The following EXOC6 variants were observed in gnomAD, a reference collection of about 807,000 sequenced individuals.
EXOC6 encodes exocyst complex component 6, also known as SEC15-like 1.
A neutral mutation model predicts 112.5 loss-of-function variants in EXOC6; 60 were observed. The ratio of observed to expected loss-of-function variants is 0.53; its 90% CI spans 0.43 to 0.66. The LOEUF (loss-of-function observed/expected upper bound fraction) is 0.66, where lower values mean the gene tolerates loss of function less well. Among genes scored for constraint, EXOC6 ranks in the 30% least tolerant of loss-of-function variants. The pLI is 0.00. For synonymous variants in EXOC6, 295 were observed against 308.0 expected, an observed-to-expected ratio of 0.96 and a Z score of 0.44; for missense variants, 855 against 957.1, an observed-to-expected ratio of 0.89 and a Z score of 1.41.
chr10:93,014,173 T>TG (rs1298279575), intron 19 of EXOC6, 21 bp from the exon 20 acceptor site: 8 of 1,596,524 alleles, frequency 5.0e-6, no homozygotes, highest in African/African-American at 1.3e-5. Flanking sequence ...TTTTATTCTT[T>TG]TTTTTTCTTT....
chr10:92,843,426 A>G (rs1342195703), intron 1 of EXOC6, among the ~76,000 whole-genome samples: 1 of 152,280 alleles, frequency 6.6e-6, no homozygotes, highest in African/African-American at 2.4e-5. Context: ...ATACAGTTCT[A>G]TAATTCTATA....
At chr10:92,935,755 A>AT (rs1169347394) in intron 11 of EXOC6, 59 bp from the exon 12 acceptor site, 1 of 1,111,046 alleles carries the variant, frequency 9.0e-7, no homozygotes. Context: ...GTTTTTAATC[A>AT]TATGACTCTG....
At chr10:93,010,963 C>CA (rs1325804322) in intron 19 of EXOC6, among the ~76,000 whole-genome samples, 1 of 151,978 alleles carries the variant, frequency 6.6e-6, no homozygotes, top group Non-Finnish European at 1.5e-5. Flanking sequence ...ATAGTATCTT[C>CA]AACAGGAACC....
intron 1 of EXOC6, among the ~76,000 whole-genome samples, chr10:92,879,240 G>A (rs1292010151): frequency 6.6e-6 from 1 of 152,216 alleles, no homozygotes; most frequent in East Asian, 1.9e-4. Flanking sequence ...CCAGCACTTT[G>A]GAAGGCTGAG....
intron 20 of EXOC6, among the ~76,000 whole-genome samples, chr10:93,024,167 C>A (rs1044292149): frequency 6.6e-6 from 1 of 152,098 alleles, no homozygotes; most frequent in Non-Finnish European, 1.5e-5. Flanking sequence ...TTCATTTGAT[C>A]GTATCTTGAT....
intron 20 of EXOC6, among the ~76,000 whole-genome samples, chr10:93,017,491 C>T (rs929371872): frequency 4.6e-5 from 7 of 151,746 alleles, no homozygotes; most frequent in South Asian, 2.1e-4. Flanking sequence ...TGGGGGGCTG[C>T]GGCAGGGGAA....
At chr10:92,925,929 T>A (rs10882129) in intron 8 of EXOC6, among the ~76,000 whole-genome samples, 45,117 of 151,934 alleles carry the variant, frequency 0.3, 7,495 homozygotes, top group East Asian at 0.73. Flanking sequence ...TCATCTTTAC[T>A]TTTTTTGAAG....
chr10:92,873,035 C>G (rs1199548558), intron 1 of EXOC6, among the ~76,000 whole-genome samples: 1 of 152,138 alleles, frequency 6.6e-6, no homozygotes, highest in East Asian at 1.9e-4. Flanking sequence ...CATTAATCTA[C>G]TTGTTTAAAC....
chr10:92,896,901 A>G (rs997928754), intron 4 of EXOC6, among the ~76,000 whole-genome samples: 8 of 152,130 alleles, frequency 5.3e-5, no homozygotes, highest in African/African-American at 1.4e-4. Flanking sequence ...TTTAGAATCA[A>G]TGAAATTCTA....
At chr10:92,856,282 G>C (rs1847597624) in intron 1 of EXOC6, among the ~76,000 whole-genome samples, 1 of 151,766 alleles carries the variant, frequency 6.6e-6, no homozygotes, top group Admixed American at 6.6e-5. Context: ...CCTTACGATG[G>C]AAGTTTGGGT....
rs1298990327 is a variant in EXOC6 at position 92,893,587 on chromosome 10, CAT to C, written c.273+70_273+71del. The C allele has an allele frequency of 2.5e-5, 32 of 1,293,012 alleles. 1 individual carries two copies. Among genetic ancestry groups the C allele is most frequent in the Non-Finnish European group, 3.2e-5 (30 of 927,700 alleles). The allele number at this position is 1,293,012 out of a possible 1,614,324, so 80.1% of individuals were successfully genotyped here. On this transcript the variant is annotated intron_variant, in intron 2 of 21. Coordinates refer to ENST00000260762, the MANE Select transcript of EXOC6 (RefSeq NM_019053.6). ...ATTACTCAAGTCTTAGTTGATAGTA[CAT>C]ATGTACAAGTCATTATTAAGTATGT...
At chr10:92,857,098 G>A (rs1847639290) in intron 1 of EXOC6, among the ~76,000 whole-genome samples, 1 of 149,354 alleles carries the variant, frequency 6.7e-6, no homozygotes, top group Non-Finnish European at 1.5e-5. Flanking sequence ...CATATTTAAT[G>A]TTATTATTTA....
chr10:93,043,019 C>G (rs1025602815), intron 20 of EXOC6, among the ~76,000 whole-genome samples: 1 of 151,946 alleles, frequency 6.6e-6, no homozygotes, highest in Admixed American at 6.6e-5. Flanking sequence ...CCACTGCAAC[C>G]TCTGCCTCCT....
intron 1 of EXOC6, among the ~76,000 whole-genome samples, chr10:92,877,896 G>A (rs1055295267): frequency 6.6e-6 from 1 of 152,182 alleles, no homozygotes; most frequent in Non-Finnish European, 1.5e-5. Context: ...CAAACCTCAT[G>A]TTGCATAGAT....
intron 18 of EXOC6, among the ~76,000 whole-genome samples, chr10:92,979,737 G>C (rs1536329): frequency 0.78 from 118,004 of 151,826 alleles, 47,203 homozygotes; most frequent in East Asian, 0.99. Flanking sequence ...GGAGAACAGC[G>C]TGGGCGATAT....
At chr10:93,053,207 A>G (rs544978303) in intron 20 of EXOC6, among the ~76,000 whole-genome samples, 41 of 152,214 alleles carry the variant, frequency 2.7e-4, no homozygotes, top group Non-Finnish European at 4.7e-4. Flanking sequence ...CAAAGCAATC[A>G]TGTTCTTTTA....
At chr10:93,038,271 A>G (rs919094498) in intron 20 of EXOC6, among the ~76,000 whole-genome samples, 1 of 152,132 alleles carries the variant, frequency 6.6e-6, no homozygotes, top group African/African-American at 2.4e-5. Context: ...ACATAAAATA[A>G]TATTCCCTAG....
intron 15 of EXOC6, among the ~76,000 whole-genome samples, chr10:92,953,034 G>C (rs1247938982): frequency 1.3e-5 from 2 of 152,100 alleles, no homozygotes; most frequent in Non-Finnish European, 2.9e-5. Flanking sequence ...TAATGGGACT[G>C]CTGGGTTGAA....
chr10:92,906,324 AT>A (rs1465949555), intron 5 of EXOC6, among the ~76,000 whole-genome samples: 1 of 151,982 alleles, frequency 6.6e-6, no homozygotes, highest in African/African-American at 2.4e-5. Flanking sequence ...TATCTTGTAA[AT>A]TTTTTTGTAT....
Sources: gnomAD v4.1 joint callset for allele counts (sites outside exome capture counted in the v4.1 genomes callset) on GRCh38, gnomAD v4.1.1 for gene constraint, MANE v1.5 for transcripts, NCBI Gene and HGNC (gene_info 2026-07-23, HGNC 2026-07-21) for gene names.